The following SGCB variants were observed in gnomAD, a reference collection of about 807,000 sequenced individuals.
SGCB encodes the protein beta-sarcoglycan.
A neutral mutation model predicts 27.3 loss-of-function variants in SGCB; 25 were observed. The ratio of observed to expected loss-of-function variants is 0.92; its 90% CI spans 0.67 to 1.28. SGCB has a LOEUF of 1.28. SGCB is among the 50% of genes most tolerant of loss of function. The probability of loss-of-function intolerance (pLI) is 0.00; values close to 1 mark genes in which losing one functional copy is unlikely to be tolerated. For synonymous variants in SGCB, 147 were observed against 133.5 expected, an observed-to-expected ratio of 1.10 and a Z score of -0.70; for missense variants, 436 against 402.1, an observed-to-expected ratio of 1.08 and a Z score of -0.72.
At chr4:52,028,552 C>T (rs995026307) in intron 4 of SGCB, among the ~76,000 whole-genome samples, 178 bp downstream of exon 4, 1 of 151,898 alleles carries the variant, frequency 6.6e-6, no homozygotes. Flanking sequence ...AGGAGAATGG[C>T]GTGAATCCGG....
chr4:52,029,244 T>A (rs1229062180), intron 3 of SGCB, among the ~76,000 whole-genome samples: 1 of 152,214 alleles, frequency 6.6e-6, no homozygotes, highest in Non-Finnish European at 1.5e-5. Context: ...AAAACTATGT[T>A]TTCAGCTCTT....
intron 2 of SGCB, among the ~76,000 whole-genome samples, chr4:52,031,517 C>T (rs1467918489): frequency 1.5e-4 from 22 of 148,270 alleles, no homozygotes; most frequent in African/African-American, 5.2e-4. Context: ...GAGACAGGGT[C>T]TCACTTTATC....
chr4:52,038,285 T>C lies in SGCB; in HGVS notation c.-26A>G. On this transcript the variant is annotated 5_prime_UTR_variant, in exon 1 of 6. Coordinates refer to ENST00000381431, the MANE Select transcript of SGCB (RefSeq NM_000232.5). ...CTTCCCGCGCCCGCCGCCGCCGAGC[T>C]CCCCGCCCGACTGTGCCCGCCCCTC... is the stretch of plus-strand genomic sequence containing the variant. 7.8e-7 allele frequency: 1 copy of C among 1,288,036 alleles called. No homozygotes were observed. The highest frequency in any genetic ancestry group is 9.8e-7 in the Non-Finnish European group (1 of 1,016,310). The allele number at this position is 1,288,036 out of a possible 1,614,324, so 79.8% of individuals were successfully genotyped here.
At chr4:52,035,559 G>T (rs1344012526) in intron 1 of SGCB, among the ~76,000 whole-genome samples, 12 of 152,128 alleles carry the variant, frequency 7.9e-5, no homozygotes, top group Non-Finnish European at 5.9e-5. Flanking sequence ...CTATTTAATT[G>T]GGAGTCACTG....
chr4:52,032,512 G>A (rs1248783437), intron 2 of SGCB, among the ~76,000 whole-genome samples: 4 of 152,184 alleles, frequency 2.6e-5, no homozygotes, highest in South Asian at 2.1e-4. Flanking sequence ...ATCTTGACCA[G>A]AAGTCTCCGA....
intron 5 of SGCB, among the ~76,000 whole-genome samples, chr4:52,025,490 C>T (rs1419019974): frequency 6.6e-6 from 1 of 152,118 alleles, no homozygotes; most frequent in African/African-American, 2.4e-5. Flanking sequence ...ATTCCAGGGA[C>T]AGCTATGAGG....
intron 5 of SGCB, among the ~76,000 whole-genome samples, chr4:52,025,801 C>T (rs554802189): frequency 6.6e-6 from 1 of 152,122 alleles, no homozygotes; most frequent in Admixed American, 6.5e-5. Context: ...TGGTGATGGC[C>T]GAGGTGGTGA....
chr4:52,026,386 G>C (rs1737097097), intron 5 of SGCB, among the ~76,000 whole-genome samples: 3 of 151,280 alleles, frequency 2.0e-5, no homozygotes, highest in African/African-American at 4.9e-5. Context: ...AGCCTCCCGG[G>C]TAGCTGGGAT....
chr4:52,033,688 G>T, intron 1 of SGCB, 48 bp from the exon 2 acceptor site: 2 of 1,434,972 alleles, frequency 1.4e-6, no homozygotes, highest in Non-Finnish European at 2.0e-6. Context: ...CTCTCGTTTT[G>T]GTGCATTTAT....
At position 52,033,424 on chromosome 4, in the gene SGCB, T is replaced by TA; in HGVS notation, c.243+6dup. 6.3e-7 allele frequency: 1 copy of TA among 1,577,608 alleles called. No individual in the cohort carries two copies. The highest frequency in any genetic ancestry group is 8.7e-7 in the Non-Finnish European group (1 of 1,146,742). ...CAATTAAAATGAGTATTCTTACAAA[T>TA]ACTCACTATTAAATTGATGACAGCC... is the stretch of plus-strand genomic sequence containing the variant. On this transcript the variant is annotated splice_region_variant and intron_variant, in intron 2 of 5. Coordinates refer to ENST00000381431, the MANE Select transcript of SGCB (RefSeq NM_000232.5).
At position 52,033,417 on chromosome 4, in the gene SGCB, T is replaced by G; in HGVS notation, c.243+14A>C. 6.5e-7 allele frequency: 1 copy of G among 1,537,888 alleles called. No individual in the cohort carries two copies. Among genetic ancestry groups the G allele is most frequent in the Middle Eastern group, 1.7e-4 (1 of 5,914 alleles). On this transcript the variant is annotated intron_variant, in intron 2 of 5. Transcript: ENST00000381431. The stretch of plus-strand genomic sequence containing the variant: ...CCCATGGCAATTAAAATGAGTATTC[T>G]TACAAATACTCACTATTAAATTGAT...
At chr4:52,036,232 C>A in intron 1 of SGCB, among the ~76,000 whole-genome samples, 1 of 152,096 alleles carries the variant, frequency 6.6e-6, no homozygotes, top group Admixed American at 6.5e-5. Context: ...AGGAGTTAAC[C>A]AGGCAAAAGA....
intron 3 of SGCB, 59 bp downstream of exon 3, chr4:52,029,619 T>C (rs989339890): frequency 2.4e-5 from 28 of 1,143,070 alleles, no homozygotes; most frequent in Non-Finnish European, 2.4e-5. Flanking sequence ...TTTTGCAAAG[T>C]ATTTTTCTCT....
intron 1 of SGCB, among the ~76,000 whole-genome samples, chr4:52,034,103 G>A (rs1306800592): frequency 1.3e-5 from 2 of 151,508 alleles, no homozygotes; most frequent in East Asian, 1.9e-4. Context: ...AGGCTGAGGC[G>A]GGTGGATCAC....
At chr4:52,031,485 TTAA>T (rs1737247999) in intron 2 of SGCB, among the ~76,000 whole-genome samples, 1 of 115,082 alleles carries the variant, frequency 8.7e-6, no homozygotes, top group Non-Finnish European at 2.1e-5. Context: ...ATTGTTCCTT[TTAA>T]TTTTTTTTTT....
chr4:52,026,010 A>G (rs1210234969), intron 5 of SGCB, among the ~76,000 whole-genome samples: 1 of 152,132 alleles, frequency 6.6e-6, no homozygotes, highest in Non-Finnish European at 1.5e-5. Flanking sequence ...TAGATATGTA[A>G]CTCTTAGTTC....
At chr4:52,031,474 A>C (rs1247107598) in intron 2 of SGCB, among the ~76,000 whole-genome samples, 1 of 131,400 alleles carries the variant, frequency 7.6e-6, no homozygotes. Context: ...ATGAGTTCTT[A>C]ATTGTTCCTT....
intron 5 of SGCB, among the ~76,000 whole-genome samples, chr4:52,027,648 G>A (rs1296475156): frequency 6.8e-6 from 1 of 146,156 alleles, no homozygotes; most frequent in African/African-American, 2.5e-5. Flanking sequence ...AAAAAAGAGA[G>A]AAAGAAACAG....
Position 52,028,806 on chromosome 4 carries a change from G to T in SGCB, c.545C>A (p.Thr182Lys), listed in dbSNP as rs1480433221. ...DPRTQNILFS[T>K]DYETHEFHLP... ...ATGAAACTCATGAGTTTCATAGTCT[G>T]TGCTGAATAAGATATTTTGAGTCCT... Residue 182 changes from threonine (T) to lysine (K), a missense_variant, in exon 4 of 6, where the codon ACA becomes AAA. Physicochemically the swap from Thr to Lys is moderately conservative, Grantham distance 78. Coordinates refer to ENST00000381431, the MANE Select transcript of SGCB (RefSeq NM_000232.5). 6.2e-7 allele frequency: 1 copy of T among 1,613,392 alleles called. No homozygotes were observed. Among genetic ancestry groups the T allele is most frequent in the Non-Finnish European group, 8.5e-7 (1 of 1,179,522 alleles).
Sources: gnomAD v4.1 joint callset for allele counts (sites outside exome capture counted in the v4.1 genomes callset) on GRCh38, gnomAD v4.1.1 for gene constraint, MANE v1.5 for transcripts, NCBI Gene and HGNC (gene_info 2026-07-23, HGNC 2026-07-21) for gene names.